USH2A: variants seen among roughly 807,000 people sequenced by gnomAD.
The protein encoded by USH2A is usherin.
Under a neutral mutation model 538.9 loss-of-function variants are expected in USH2A, and 443 were observed. The observed-to-expected ratio is 0.82, with a 90% CI of 0.76 to 0.89. The LOEUF (loss-of-function observed/expected upper bound fraction) is 0.89. USH2A is among the 40% of genes least tolerant of loss of function. The probability of loss-of-function intolerance (pLI) is 0.00; values close to 1 mark genes in which losing one functional copy is unlikely to be tolerated. For synonymous variants in USH2A, 2,413 were observed against 2,273.5 expected (o/e 1.06, Z -1.75); for missense variants, 6,633 against 6,324.8 (o/e 1.05, Z -1.65).
Position 216,232,022 on chromosome 1 carries a change from G to T in USH2A, c.2924C>A (p.Ala975Asp). The T allele has an allele frequency of 1.2e-6, 2 of 1,614,052 alleles. No individual in the cohort carries two copies. The highest frequency in any genetic ancestry group is 1.7e-6 in the Non-Finnish European group (2 of 1,179,934). The change falls in exon 14 of 72, where the codon GCT becomes GAT. Residue 975 changes from alanine (A) to aspartate (D), a missense_variant. Transcript: ENST00000307340. ...SLTGQCVCQD[A>D]SIAGQRCDQC... ...GTCACAACGTTGCCCAGCAATGGAAGCATCTTGGCAAACACACTGACCAGT... is the reference window on the plus strand; with the variant it reads ...GTCACAACGTTGCCCAGCAATGGAATCATCTTGGCAAACACACTGACCAGT...
chr1:215,785,952 C>CACAA, intron 52 of USH2A, among the ~76,000 whole-genome samples: 1 of 152,020 alleles, frequency 6.6e-6, no homozygotes, highest in African/African-American at 2.4e-5. Context: ...CACACACACA[C>CACAA]ACACACACAC....
At chr1:216,247,250 G>A in intron 12 of USH2A, 24 bp from the exon 13 acceptor site, 1 of 1,612,304 alleles carries the variant, frequency 6.2e-7, no homozygotes. Context: ...ATATTTAAAA[G>A]GTGAGGATGG....
At position 216,160,607 on chromosome 1, in the gene USH2A, TAA is replaced by T. The variant is rs34060140; in HGVS notation, c.4627+14643_4627+14644del. On this transcript the variant is annotated intron_variant, in intron 21 of 71. Transcript: ENST00000307340. Reference sequence around the variant, plus strand: ...AGCAACACAGTAAGACCTCGTCTCTTAAAAAAAAAAATTATGCGATTTCTATA... The same window carrying T: ...AGCAACACAGTAAGACCTCGTCTCTTAAAAAAAAATTATGCGATTTCTATA... Among the ~76,000 whole-genome samples, 11 of 150,498 alleles carry T rather than the reference TAA, an allele frequency of 7.3e-5. No homozygotes were observed. In the South Asian group the frequency reaches 8.4e-4, roughly 11 times the overall value.
intron 44 of USH2A, among the ~76,000 whole-genome samples, chr1:215,858,679 C>G (rs1354828114): frequency 2.6e-5 from 4 of 151,464 alleles, no homozygotes; most frequent in Non-Finnish European, 5.9e-5. Context: ...AGGTTGTAAC[C>G]TTTTTGGATA....
At chr1:215,884,185 T>C (rs533977121) in intron 41 of USH2A, among the ~76,000 whole-genome samples, 1 of 152,300 alleles carries the variant, frequency 6.6e-6, no homozygotes, top group Admixed American at 6.5e-5. Context: ...TGTATACCTA[T>C]GTAAGAAACC....
intron 55 of USH2A, among the ~76,000 whole-genome samples, chr1:215,768,740 A>G (rs927460952): frequency 1.3e-5 from 2 of 152,206 alleles, no homozygotes; most frequent in African/African-American, 4.8e-5. Flanking sequence ...GTTTAGCTCG[A>G]CAATGTCTCC....
chr1:216,019,171 T>A (rs943498291), intron 32 of USH2A, among the ~76,000 whole-genome samples: 2 of 152,046 alleles, frequency 1.3e-5, no homozygotes, highest in African/African-American at 4.8e-5. Context: ...AGAACTTAAA[T>A]TGAAAATTGC....
At chr1:216,039,073 C>T (rs2030138087) in intron 32 of USH2A, among the ~76,000 whole-genome samples, 1 of 151,982 alleles carries the variant, frequency 6.6e-6, no homozygotes, top group Non-Finnish European at 1.5e-5. Flanking sequence ...AATGGAAGAA[C>T]GACACTTAGG....
intron 4 of USH2A, among the ~76,000 whole-genome samples, chr1:216,333,708 C>G (rs1363760982): frequency 6.6e-6 from 1 of 151,972 alleles, no homozygotes; most frequent in African/African-American, 2.4e-5. Flanking sequence ...ATCTTGAAAG[C>G]AGCAAGTGAG....
chr1:215,844,510 A>T lies in USH2A; in HGVS notation c.9056-14T>A. The T allele has an allele frequency of 6.2e-7, 1 of 1,604,656 alleles. No individual in the cohort carries two copies. On this transcript the variant is annotated splice_polypyrimidine_tract_variant and intron_variant, in intron 45 of 71. Coordinates refer to ENST00000307340, the MANE Select transcript of USH2A (RefSeq NM_206933.4). Reference sequence around the variant, plus strand: ...TGCCCTGAGGCTCTAGAATTAAAGGAAGAAACTGAATAAACTCCAGCTGTC... The same window carrying T: ...TGCCCTGAGGCTCTAGAATTAAAGGTAGAAACTGAATAAACTCCAGCTGTC...
chr1:216,072,707 T>C, intron 29 of USH2A, 182 bp downstream of exon 29: 2 of 641,314 alleles, frequency 3.1e-6, no homozygotes, highest in Non-Finnish European at 5.6e-6. Context: ...TCTTGGTAAA[T>C]GAAAAGCACT....
At chr1:216,283,723 G>C (rs2102598569) in intron 11 of USH2A, among the ~76,000 whole-genome samples, 1 of 152,248 alleles carries the variant, frequency 6.6e-6, no homozygotes, top group Non-Finnish European at 1.5e-5. Flanking sequence ...TATCCTTGCA[G>C]ACCATAAAGA....
chr1:215,974,330 A>G (rs1667569195), intron 35 of USH2A, among the ~76,000 whole-genome samples: 1 of 152,108 alleles, frequency 6.6e-6, no homozygotes, highest in Non-Finnish European at 1.5e-5. Context: ...AACACAGGAC[A>G]TGTATCAATA....
chr1:216,232,904 A>G (rs756618958), intron 13 of USH2A, among the ~76,000 whole-genome samples: 23 of 152,198 alleles, frequency 1.5e-4, no homozygotes, highest in African/African-American at 7.2e-5. Flanking sequence ...TCAATTGGAA[A>G]ACAGAAGATT....
At chr1:216,068,332 T>C (rs577642640) in intron 30 of USH2A, among the ~76,000 whole-genome samples, 111 of 152,256 alleles carry the variant, frequency 7.3e-4, no homozygotes, top group Non-Finnish European at 9.4e-4. Flanking sequence ...GTTAGTGTGT[T>C]GGTTTTTAAC....
chr1:216,286,784 G>A (rs946246352), intron 11 of USH2A, among the ~76,000 whole-genome samples: 4 of 151,934 alleles, frequency 2.6e-5, no homozygotes, highest in African/African-American at 9.7e-5. Flanking sequence ...ACTCTGTCTT[G>A]GGTATTTCTT....
At chr1:215,884,624 T>A (rs11120689) in intron 41 of USH2A, among the ~76,000 whole-genome samples, 7,875 of 152,326 alleles carry the variant, frequency 0.052, 217 homozygotes, top group Middle Eastern at 0.099. Context: ...GAATATATTT[T>A]CATTATTATT....
intron 60 of USH2A, among the ~76,000 whole-genome samples, chr1:215,737,165 T>C (rs544572807): frequency 5.7e-4 from 86 of 152,046 alleles, no homozygotes; most frequent in African/African-American, 1.9e-3. Flanking sequence ...TGTGGGCATA[T>C]ATATAAAATG....
chr1:216,196,835 T>G, intron 18 of USH2A, 113 bp from the exon 19 acceptor site: 4 of 1,291,328 alleles, frequency 3.1e-6, no homozygotes, highest in Non-Finnish European at 4.3e-6. Flanking sequence ...CCTTTTAAAA[T>G]ATTCTGCTTT....
Sources: gnomAD v4.1 joint callset for allele counts (sites outside exome capture counted in the v4.1 genomes callset) on GRCh38, gnomAD v4.1.1 for gene constraint, MANE v1.5 for transcripts, NCBI Gene and HGNC (gene_info 2026-07-23, HGNC 2026-07-21) for gene names.